Variants in MYO1G observed in about 807,000 individuals in gnomAD.
MYO1G encodes unconventional myosin-Ig.
In MYO1G, 65 loss-of-function variants were observed where a neutral mutation model predicts 115.3. The ratio of observed to expected loss-of-function variants is 0.56; its 90% CI spans 0.46 to 0.69. The LOEUF (loss-of-function observed/expected upper bound fraction) is 0.69, where lower values mean the gene tolerates loss of function less well. Among genes scored for constraint, MYO1G ranks in the 30% least tolerant of loss-of-function variants. MYO1G has a pLI of 0.00. For missense variants in MYO1G, 1,204 were observed against 1,393.5 expected (o/e 0.86, Z 2.16); for synonymous variants, 510 against 552.6 (o/e 0.92, Z 1.08).
chr7:44,969,491 G>T lies in MYO1G; in HGVS notation c.1504-8C>A, dbSNP rs779542395. The T allele has an allele frequency of 6.2e-7, 1 of 1,613,844 alleles. No individual in the cohort carries two copies. Among genetic ancestry groups the T allele is most frequent in the Non-Finnish European group, 8.5e-7 (1 of 1,179,972 alleles). The stretch of plus-strand genomic sequence containing the variant: ...CTTGTCTGTGGGGCAGAGCTATGGG[G>T]ACAGGCTGAGGTCAAGGCACAAAAG... On this transcript the variant is annotated splice_region_variant and splice_polypyrimidine_tract_variant and intron_variant, in intron 11 of 21. Transcript: ENST00000258787. The surrounding 1 kb of genome is among the most constrained non-coding windows in gnomAD (Gnocchi z 5.0).
chr7:44,967,820 C>T (rs539016794), intron 13 of MYO1G, 64 bp downstream of exon 13: 2 of 1,612,278 alleles, frequency 1.2e-6, no homozygotes, highest in African/African-American at 1.3e-5. Context: ...CAATGCCTGA[C>T]CCCAGAGTCT....
chr7:44,964,214 G>T lies in MYO1G; in HGVS notation c.2632-52C>A. The T allele has an allele frequency of 6.6e-7, 1 of 1,505,796 alleles. No homozygotes were observed. The highest frequency in any genetic ancestry group is 1.2e-5 in the South Asian group (1 of 84,538). The allele number at this position is 1,505,796 out of a possible 1,614,324, so 93.3% of individuals were successfully genotyped here. On this transcript the variant is annotated intron_variant, in intron 19 of 21. Transcript: ENST00000258787. The surrounding 1 kb of genome is among the most constrained non-coding windows in gnomAD (Gnocchi z 5.1). ...CTGGTGCTGCCCTGTCACCCACCAG[G>T]GCCCCAGGCTTCGGCAGTCCCTACT...
At position 44,971,693 on chromosome 7, in the gene MYO1G, G is replaced by A. The variant is rs200523348; in HGVS notation, c.826C>T (p.Leu276=). 7.7e-6 allele frequency: 12 copies of A among 1,558,380 alleles called. No homozygotes were observed. Among genetic ancestry groups the A allele is most frequent in the Admixed American group, 3.9e-5 (2 of 51,766 alleles). The change falls in exon 7 of 22, where the codon CTG becomes TTG. Residue 276 remains leucine, a synonymous_variant. Transcript: ENST00000258787. ...PEEVESVHRI[L]AAILHLGNIE... is the part of the protein sequence containing the mutation. ...CTCACCAGGTGCAATATGGCAGCCA[G>A]GATGCGATGCACAGACTCCACCTCT... is the stretch of plus-strand genomic sequence containing the variant.
intron 1 of MYO1G, among the ~76,000 whole-genome samples, chr7:44,978,368 G>T (rs969572114): frequency 6.6e-6 from 1 of 152,330 alleles, no homozygotes; most frequent in Non-Finnish European, 1.5e-5. Flanking sequence ...TGGTGGGAAT[G>T]TTTGGACCCT....
At position 44,966,021 on chromosome 7, in the gene MYO1G, A is replaced by G. The variant is rs1794834859; in HGVS notation, c.2157+52T>C. 4 of 1,593,390 alleles carry G rather than the reference A, an allele frequency of 2.5e-6. No individual in the cohort carries two copies. In the African/African-American group the frequency reaches 4.0e-5, roughly 16 times the overall value. ...CAAGTGTGTTTGTGGCCCCTGGGAC[A>G]CAAGCTTTCCCCACCTCCATAGTGG... On this transcript the variant is annotated intron_variant, in intron 16 of 21. Coordinates refer to ENST00000258787, the MANE Select transcript of MYO1G (RefSeq NM_033054.3). The surrounding 1 kb of genome is among the most constrained non-coding windows in gnomAD (Gnocchi z 5.0).
Position 44,966,113 on chromosome 7 carries a change from C to T in MYO1G, c.2117G>A (p.Arg706Gln), listed in dbSNP as rs776303594. 2.5e-6 allele frequency: 4 copies of T among 1,612,910 alleles called. No homozygotes were observed. Among genetic ancestry groups the T allele is most frequent in the African/African-American group, 1.3e-5 (1 of 75,030 alleles). The change falls in exon 16 of 22, where the codon CGA becomes CAA. Residue 706 changes from arginine to glutamine, a missense_variant. Arg to Gln is a conservative substitution (Grantham distance 43, BLOSUM62 1). Transcript: ENST00000258787. This position sits in a 1 kb window ranked among gnomAD's most constrained non-coding sequence, Gnocchi z 5.0. The stretch of plus-strand genomic sequence containing the variant: ...CACAATGATGGGGATGAGGCGGGCT[C>T]GGCTCTGCTCCAGTGTGACCAGTGT... ...PRTLVTLEQS[R>Q]ARLIPIIVLL...
chr7:44,975,046 G>T, intron 5 of MYO1G, 128 bp downstream of exon 5: 2 of 943,530 alleles, frequency 2.1e-6, no homozygotes, highest in Non-Finnish European at 3.5e-6. Context: ...AGGACGATGG[G>T]CTAGGTGGGG....
chr7:44,969,302 A>G lies in MYO1G; in HGVS notation c.1574+111T>C, dbSNP rs1794907943. ...GTCTTAAAGGGGTGGGGGTGGCAGA[A>G]GTGGCCATAACACCTGTCTCCGAGC... On this transcript the variant is annotated intron_variant, in intron 12 of 21. Coordinates refer to ENST00000258787, the MANE Select transcript of MYO1G (RefSeq NM_033054.3). This position sits in a 1 kb window ranked among gnomAD's most constrained non-coding sequence, Gnocchi z 5.0. 1 of 953,452 alleles carries G rather than the reference A, an allele frequency of 1.0e-6. No individual in the cohort carries two copies. Among genetic ancestry groups the G allele is most frequent in the Admixed American group, 1.7e-5 (1 of 58,266 alleles). The allele number at this position is 953,452 out of a possible 1,614,324, so 59.1% of individuals were successfully genotyped here. A position where few individuals can be genotyped will look rare whatever the true frequency, so the allele number is the denominator to read the frequency against.
chr7:44,975,036 A>T, intron 5 of MYO1G, 138 bp downstream of exon 5: 1 of 858,678 alleles, frequency 1.2e-6, no homozygotes, highest in Non-Finnish European at 2.0e-6. Context: ...GTGGGGAGTG[A>T]GGACGATGGG....
intron 1 of MYO1G, 87 bp from the exon 2 acceptor site, chr7:44,977,158 C>T: frequency 7.8e-7 from 1 of 1,278,890 alleles, no homozygotes; most frequent in Admixed American, 2.3e-5. Flanking sequence ...GGGCCTGGCC[C>T]CAGTAGGCCA....
In MYO1G at chr7:44,962,684, G is replaced by C; in HGVS notation, c.*55C>G. 6.9e-7 allele frequency: 1 copy of C among 1,439,546 alleles called. No individual in the cohort carries two copies. The highest frequency in any genetic ancestry group is 9.0e-7 in the Non-Finnish European group (1 of 1,105,886). The allele number at this position is 1,439,546 out of a possible 1,614,324, so 89.2% of individuals were successfully genotyped here. A position where few individuals can be genotyped will look rare whatever the true frequency, so the allele number is the denominator to read the frequency against. ...GAGGGCTGACTCAGAAGGTTTATTT[G>C]CAGCGCTGGCGGGGCGGACAATTGG... On this transcript the variant is annotated 3_prime_UTR_variant, in exon 22 of 22. Transcript: ENST00000258787. This position sits in a 1 kb window ranked among gnomAD's most constrained non-coding sequence, Gnocchi z 5.3.
intron 1 of MYO1G, 67 bp downstream of exon 1, chr7:44,978,800 T>C: frequency 6.8e-7 from 1 of 1,466,060 alleles, no homozygotes. Flanking sequence ...TTCCCTCAGG[T>C]CTCTGCGAGG....
At position 44,972,266 on chromosome 7, in the gene MYO1G, G is replaced by C. The variant is rs751473077; in HGVS notation, c.619-41C>G. ...ATCCTTTAGACAAATAAGCTCCCAGGATGTCCCCCTGTACACACACACAGG... is the reference window on the plus strand; with the variant it reads ...ATCCTTTAGACAAATAAGCTCCCAGCATGTCCCCCTGTACACACACACAGG... On this transcript the variant is annotated intron_variant, in intron 5 of 21. Coordinates refer to ENST00000258787, the MANE Select transcript of MYO1G (RefSeq NM_033054.3). 1.5e-5 allele frequency: 21 copies of C among 1,431,894 alleles called. No individual in the cohort carries two copies. In the South Asian group the frequency reaches 2.4e-4, roughly 16 times the overall value. The allele number at this position is 1,431,894 out of a possible 1,614,324, so 88.7% of individuals were successfully genotyped here. A position where few individuals can be genotyped will look rare whatever the true frequency, so the allele number is the denominator to read the frequency against.
At chr7:44,974,288 C>T (rs10262048) in intron 5 of MYO1G, 19,443 of 151,542 alleles carry the variant, frequency 0.13, 2,297 homozygotes, top group African/African-American at 0.31. Flanking sequence ...AGACCCTGCC[C>T]GCTACCCAGG....
At chr7:44,970,205 A>C in intron 9 of MYO1G, 51 bp from the exon 10 acceptor site, 1 of 1,263,782 alleles carries the variant, frequency 7.9e-7, no homozygotes, top group Non-Finnish European at 1.2e-6. Context: ...TGTGGAGTGC[A>C]TGGTAATGGG....
chr7:44,976,692 G>C, intron 2 of MYO1G, 35 bp from the exon 3 acceptor site: 1 of 1,613,070 alleles, frequency 6.2e-7, no homozygotes, highest in Non-Finnish European at 8.5e-7. Flanking sequence ...GAATCAGCCA[G>C]GTTCGCTCTC....
rs1188753998 is a variant in MYO1G at position 44,966,974 on chromosome 7, A to G, written c.1783-136T>C. ...GGAACAAAGAAGGGAAATCAGCAGA[A>G]CAAGGGCCCTGGAAGCCCTAAGTGC... On this transcript the variant is annotated intron_variant, in intron 14 of 21. Transcript: ENST00000258787. This position sits in a 1 kb window ranked among gnomAD's most constrained non-coding sequence, Gnocchi z 5.0. 4.9e-6 allele frequency: 5 copies of G among 1,016,294 alleles called. No homozygotes were observed. Among genetic ancestry groups the G allele is most frequent in the African/African-American group, 1.6e-5 (1 of 62,080 alleles). The allele number at this position is 1,016,294 out of a possible 1,614,324, so 63.0% of individuals were successfully genotyped here.
At position 44,969,167 on chromosome 7, in the gene MYO1G, C is replaced by T. The variant is rs1049120106; in HGVS notation, c.1574+246G>A. 1.7e-5 allele frequency: 8 copies of T among 468,300 alleles called. No individual in the cohort carries two copies. The highest frequency in any genetic ancestry group is 6.3e-4 in the Middle Eastern group (1 of 1,594). The allele number at this position is 468,300 out of a possible 1,614,324, so 29.0% of individuals were successfully genotyped here. ...TATAGGGTTGGGCCCAGACATGAGA[C>T]GTGGGTATTTTTTAAAGGCTCCCAG... On this transcript the variant is annotated intron_variant, in intron 12 of 21. Coordinates refer to ENST00000258787, the MANE Select transcript of MYO1G (RefSeq NM_033054.3). The surrounding 1 kb of genome is among the most constrained non-coding windows in gnomAD (Gnocchi z 5.0).
At chr7:44,967,051 G>T (rs1043611667) in intron 14 of MYO1G, among the ~76,000 whole-genome samples, 1 of 152,178 alleles carries the variant, frequency 6.6e-6, no homozygotes, top group Non-Finnish European at 1.5e-5. Flanking sequence ...GCCCCTGGTC[G>T]GGGGGTGGGG....
Sources: allele counts gnomAD v4.1 joint callset (sites outside exome capture counted in the v4.1 genomes callset), GRCh38; gene constraint gnomAD v4.1.1; non-coding constraint Gnocchi (gnomAD v3.1); transcripts MANE v1.5; gene names NCBI Gene and HGNC (gene_info 2026-07-23, HGNC 2026-07-21).